TEAD2: variants seen among roughly 807,000 people sequenced by gnomAD.
The protein encoded by TEAD2 is transcriptional enhancer factor TEF-4.
Under a neutral mutation model 61.4 loss-of-function variants are expected in TEAD2, and 51 were observed. That is an observed-to-expected ratio of 0.83 (90% CI 0.66 to 1.05). TEAD2 has a LOEUF of 1.05. TEAD2 is among the 50% of genes least tolerant of loss of function. The pLI is 0.00. For synonymous variants in TEAD2, 244 were observed against 243.2 expected (o/e 1.00, Z -0.03); for missense variants, 509 against 600.0 (o/e 0.85, Z 1.58).
intron 1 of TEAD2, chr19:49,362,037 A>G (rs1318742576): frequency 6.6e-6 from 1 of 152,624 alleles, no homozygotes; most frequent in Non-Finnish European, 1.5e-5. Context: ...AGAAGGACCA[A>G]ATGCCCCCCA....
At chr19:49,342,680 T>A in intron 11 of TEAD2, 90 bp from the exon 12 acceptor site, 1 of 1,508,608 alleles carries the variant, frequency 6.6e-7, no homozygotes, top group Non-Finnish European at 9.1e-7. Flanking sequence ...GCCTCTAAGA[T>A]GCCACCACAC....
Position 49,341,784 on chromosome 19 carries a change from C to A in TEAD2, c.1243-347G>T, listed in dbSNP as rs1206748780. ...CGCGGTCAAGGGGTCTCTGCCTCAG[C>A]AGTCCAAAAAGTTAAAGGGGCTCCC... On this transcript the variant is annotated intron_variant, in intron 12 of 12. Coordinates refer to ENST00000593945, the MANE Select transcript of TEAD2 (RefSeq NM_001256660.2). The surrounding 1 kb of genome is among the most constrained non-coding windows in gnomAD (Gnocchi z 4.2). Among the ~76,000 whole-genome samples the A allele has an allele frequency of 6.6e-6, 1 of 152,126 alleles. No individual in the cohort carries two copies. Among genetic ancestry groups the A allele is most frequent in the Non-Finnish European group, 1.5e-5 (1 of 68,018 alleles).
chr19:49,361,847 A>G (rs557125682), intron 1 of TEAD2: 1 of 152,734 alleles, frequency 6.5e-6, no homozygotes, highest in South Asian at 2.1e-4. Context: ...GGACCCCCGT[A>G]GGCCAAAATC....
chr19:49,343,537 C>T lies in TEAD2; in HGVS notation c.922-139G>A, dbSNP rs957578395. 1.5e-5 allele frequency: 13 copies of T among 882,194 alleles called. No individual in the cohort carries two copies. In the Admixed American group the frequency reaches 2.9e-4, roughly 19 times the overall value. The allele number at this position is 882,194 out of a possible 1,614,324, so 54.6% of individuals were successfully genotyped here. On this transcript the variant is annotated intron_variant, in intron 10 of 12. Transcript: ENST00000593945. ...GGCGGATCACCTGAGGTTGGGAGTT[C>T]AAGACCAGCCTGACCAACATGGAGA...
intron 11 of TEAD2, 25 bp from the exon 12 acceptor site, chr19:49,342,615 G>A: frequency 1.2e-6 from 2 of 1,600,702 alleles, no homozygotes; most frequent in Middle Eastern, 2.1e-4. Flanking sequence ...AGGGAGTTGG[G>A]AAAATGGTGG....
Position 49,341,384 on chromosome 19 carries a change from G to A in TEAD2, c.1296C>T (p.Phe432=), listed in dbSNP as rs764148263. ...CCCCACGCTCGCTGGTGGAGACCTC[G>A]AAGACATAGGCGGTGCAGAGCAGCA... is the stretch of plus-strand genomic sequence containing the variant. ...QELLLCTAYV[F]EVSTSERGAQ... is the part of the protein sequence containing the mutation. The change falls in exon 13 of 13, where the codon TTC becomes TTT. Residue 432 remains phenylalanine (F), a synonymous_variant. Transcript: ENST00000593945. This position sits in a 1 kb window ranked among gnomAD's most constrained non-coding sequence, Gnocchi z 4.2. 5.0e-6 allele frequency: 8 copies of A among 1,614,078 alleles called. No homozygotes were observed. In the South Asian group the frequency reaches 5.5e-5, roughly 11 times the overall value.
intron 10 of TEAD2, among the ~76,000 whole-genome samples, chr19:49,346,774 C>T (rs1292860590): frequency 6.6e-6 from 1 of 152,226 alleles, no homozygotes; most frequent in African/African-American, 2.4e-5. Flanking sequence ...GAAACTGATG[C>T]AAAGCATCAG....
chr19:49,352,440 C>A (rs142096476), intron 7 of TEAD2, among the ~76,000 whole-genome samples: 4 of 152,128 alleles, frequency 2.6e-5, no homozygotes, highest in Non-Finnish European at 4.4e-5. Flanking sequence ...CAGGCGCAGT[C>A]GCTCACGCCT....
chr19:49,351,981 CA>C (rs1274736321), intron 7 of TEAD2, among the ~76,000 whole-genome samples: 7 of 132,244 alleles, frequency 5.3e-5, no homozygotes, highest in Admixed American at 8.4e-5. Context: ...GACTCCATTT[CA>C]AAAAAAAAAT....
rs547098032 is a variant in TEAD2 at position 49,350,086 on chromosome 19, C to A, written c.604+1215G>T. Among the ~76,000 whole-genome samples, 310 of 152,342 alleles carry A rather than the reference C, an allele frequency of 2.0e-3. 1 individual carries two copies. The highest frequency in any genetic ancestry group is 7.0e-3 in the African/African-American group (292 of 41,580). On this transcript the variant is annotated intron_variant, in intron 8 of 12. Coordinates refer to ENST00000593945, the MANE Select transcript of TEAD2 (RefSeq NM_001256660.2). ...ATCTATGGAAACTAAGGGACTCCCT[C>A]TTTCACTGATGTGAGTTCTCAGGGC...
chr19:49,359,387 A>G lies in TEAD2; in HGVS notation c.297+48T>C, dbSNP rs1972649264. The G allele has an allele frequency of 1.3e-6, 2 of 1,589,006 alleles. No homozygotes were observed. The highest frequency in any genetic ancestry group is 2.7e-5 in the African/African-American group (2 of 74,404). ...ACCTGCCCATGCGAGGATGACCCTA[A>G]GAAGACCGGCCCATCCCAGACAGAA... On this transcript the variant is annotated intron_variant, in intron 3 of 12. Coordinates refer to ENST00000593945, the MANE Select transcript of TEAD2 (RefSeq NM_001256660.2). This position sits in a 1 kb window ranked among gnomAD's most constrained non-coding sequence, Gnocchi z 4.1.
At chr19:49,352,504 T>C (rs1481716091) in intron 7 of TEAD2, among the ~76,000 whole-genome samples, 1 of 151,834 alleles carries the variant, frequency 6.6e-6, no homozygotes, top group Non-Finnish European at 1.5e-5. Flanking sequence ...AGCCCAGGAG[T>C]TTGAGACCAG....
Position 49,342,495 on chromosome 19 carries a change from C to A in TEAD2, c.1185G>T (p.Arg395=). 1 of 1,614,200 alleles carries A rather than the reference C, an allele frequency of 6.2e-7. No individual in the cohort carries two copies. Residue 395 remains arginine (R), a synonymous_variant, in exon 12 of 13, where the codon CGG becomes CGT. Coordinates refer to ENST00000593945, the MANE Select transcript of TEAD2 (RefSeq NM_001256660.2). Reference sequence around the variant, plus strand: ...TCATCATGTATCGCTCAGGCAGCTGCCGCAACTTGTGCAAGAAATTCACCA... The same window carrying A: ...TCATCATGTATCGCTCAGGCAGCTGACGCAACTTGTGCAAGAAATTCACCA... ...EYLVNFLHKL[R]QLPERYMMNS...
At chr19:49,354,010 G>A (rs1186053978) in intron 7 of TEAD2, among the ~76,000 whole-genome samples, 1 of 148,968 alleles carries the variant, frequency 6.7e-6, no homozygotes, top group Non-Finnish European at 1.5e-5. Flanking sequence ...ATGTTGGCCA[G>A]AATGGTCTCG....
intron 10 of TEAD2, among the ~76,000 whole-genome samples, chr19:49,345,330 T>TCTTTC (rs957213651): frequency 6.6e-6 from 1 of 151,950 alleles, no homozygotes; most frequent in Non-Finnish European, 1.5e-5. Context: ...TTCTTTCTTT[T>TCTTTC]CTTTCCTTTC....
rs887055790 is a variant in TEAD2 at position 49,359,143 on chromosome 19, CAGG to C, written c.297+289_297+291del. Among the ~76,000 whole-genome samples the C allele has an allele frequency of 6.6e-6, 1 of 152,106 alleles. No individual in the cohort carries two copies. Among genetic ancestry groups the C allele is most frequent in the Non-Finnish European group, 1.5e-5 (1 of 68,030 alleles). On this transcript the variant is annotated intron_variant, in intron 3 of 12. Coordinates refer to ENST00000593945, the MANE Select transcript of TEAD2 (RefSeq NM_001256660.2). This position sits in a 1 kb window ranked among gnomAD's most constrained non-coding sequence, Gnocchi z 4.1. ...ATCCCTGCTACTCGGGAGGCTGAGA[CAGG>C]AGAATTGCTTGAACCCGGGAGGCAG... is the stretch of plus-strand genomic sequence containing the variant.
chr19:49,361,474 G>C (rs1029141406), intron 1 of TEAD2: 1 of 152,584 alleles, frequency 6.6e-6, no homozygotes. Context: ...ACAAGCTGGG[G>C]GACAGGGGCG....
chr19:49,342,740 G>C, intron 11 of TEAD2, 150 bp from the exon 12 acceptor site: 2 of 968,148 alleles, frequency 2.1e-6, no homozygotes, highest in Non-Finnish European at 3.1e-6. Flanking sequence ...AGTGACTGGA[G>C]ACTGGGCCTG....
intron 9 of TEAD2, among the ~76,000 whole-genome samples, chr19:49,347,936 C>T (rs963880595): frequency 4.6e-5 from 7 of 152,212 alleles, no homozygotes; most frequent in African/African-American, 1.7e-4. Flanking sequence ...TGTGAAACTA[C>T]ATTTCCCAGG....
Sources: allele counts gnomAD v4.1 joint callset (sites outside exome capture counted in the v4.1 genomes callset), GRCh38; gene constraint gnomAD v4.1.1; non-coding constraint Gnocchi (gnomAD v3.1); transcripts MANE v1.5; gene names NCBI Gene and HGNC (gene_info 2026-07-23, HGNC 2026-07-21).